KCND2: variants seen among roughly 807,000 people sequenced by gnomAD.
KCND2 encodes A-type voltage-gated potassium channel KCND2.
Under a neutral mutation model 54.4 loss-of-function variants are expected in KCND2, and 16 were observed. The ratio of observed to expected loss-of-function variants is 0.29; its 90% confidence interval spans 0.20 to 0.45. The LOEUF (loss-of-function observed/expected upper bound fraction) is 0.45. Ranked by LOEUF, KCND2 falls within the 20% of genes least tolerant of loss-of-function variation. The pLI is 1.00. For missense variants in KCND2, 486 were observed against 824.2 expected (o/e 0.59, Z 5.02); for synonymous variants, 317 against 310.7 (o/e 1.02, Z -0.21).
intron 1 of KCND2, chr7:120,463,989 T>C (rs968046561): frequency 3.7e-5 from 34 of 912,262 alleles, no homozygotes; most frequent in South Asian, 5.0e-5. Flanking sequence ...ACTGGCTACA[T>C]TGGATAAATA....
At chr7:120,449,155 C>T (rs887763779) in intron 1 of KCND2, among the ~76,000 whole-genome samples, 1 of 152,046 alleles carries the variant, frequency 6.6e-6, no homozygotes, top group East Asian at 1.9e-4. Flanking sequence ...CAGTGAAACC[C>T]CATCTCTACT....
chr7:120,548,560 G>A (rs1045851244), intron 1 of KCND2, among the ~76,000 whole-genome samples: 5 of 152,102 alleles, frequency 3.3e-5, no homozygotes, highest in Non-Finnish European at 5.9e-5. Flanking sequence ...ATCAAACAAG[G>A]AAGGTCTTGC....
chr7:120,487,347 A>C, intron 1 of KCND2, among the ~76,000 whole-genome samples: 1 of 152,294 alleles, frequency 6.6e-6, no homozygotes, highest in Admixed American at 6.5e-5. Context: ...ACGAACAACA[A>C]TTTAAAAAAT....
In KCND2 at chr7:120,741,563, C is replaced by T; in HGVS notation, c.1308C>T (p.Ala436=). The T allele has an allele frequency of 6.2e-7, 1 of 1,613,172 alleles. No individual in the cohort carries two copies. The highest frequency in any genetic ancestry group is 8.5e-7 in the Non-Finnish European group (1 of 1,179,402). ...CTAGACTGGCCAGGATCCGGGCAGC[C>T]AAAAGCGGAAGCGCAAATGCTTACA... ...KKARLARIRA[A]KSGSANAYMQ... The change falls in exon 3 of 6, where the codon GCC becomes GCT. Residue 436 remains alanine, a synonymous_variant. Transcript: ENST00000331113.
chr7:120,512,627 G>A (rs1803135949), intron 1 of KCND2, among the ~76,000 whole-genome samples: 1 of 151,916 alleles, frequency 6.6e-6, no homozygotes, highest in Non-Finnish European at 1.5e-5. Flanking sequence ...GTTCATTTAG[G>A]TAATCCTTTC....
At chr7:120,323,520 T>C (rs1161985483) in intron 1 of KCND2, among the ~76,000 whole-genome samples, 2 of 148,660 alleles carry the variant, frequency 1.3e-5, no homozygotes, top group African/African-American at 4.9e-5. Flanking sequence ...CATTGTTCAA[T>C]TCCCACCTAT....
chr7:120,486,371 A>G (rs1802693306), intron 1 of KCND2, among the ~76,000 whole-genome samples: 1 of 152,146 alleles, frequency 6.6e-6, no homozygotes, highest in African/African-American at 2.4e-5. Context: ...AGAGGACGTA[A>G]GGTGATTCAT....
intron 1 of KCND2, among the ~76,000 whole-genome samples, chr7:120,374,051 C>T (rs941065585): frequency 1.3e-5 from 2 of 151,664 alleles, no homozygotes; most frequent in Non-Finnish European, 2.9e-5. Context: ...TTCATAATTA[C>T]CATATTTTTT....
At chr7:120,293,595 G>A (rs1385193947) in intron 1 of KCND2, among the ~76,000 whole-genome samples, 5 of 151,890 alleles carry the variant, frequency 3.3e-5, no homozygotes, top group East Asian at 1.9e-4. Flanking sequence ...GTTTCTTTTT[G>A]TTTGACCAGA....
intron 2 of KCND2, among the ~76,000 whole-genome samples, chr7:120,735,314 A>C (rs541534528): frequency 6.6e-6 from 1 of 152,054 alleles, no homozygotes; most frequent in South Asian, 2.1e-4. Flanking sequence ...CAAACATCAC[A>C]CTCATGACGC....
intron 1 of KCND2, among the ~76,000 whole-genome samples, chr7:120,593,420 A>G (rs1562882395): frequency 6.6e-6 from 1 of 152,188 alleles, no homozygotes; most frequent in Non-Finnish European, 1.5e-5. Flanking sequence ...GTCCCTGCAT[A>G]TATTGGAAAA....
At chr7:120,532,581 C>T (rs1321223360) in intron 1 of KCND2, among the ~76,000 whole-genome samples, 2 of 151,630 alleles carry the variant, frequency 1.3e-5, no homozygotes, top group Non-Finnish European at 2.9e-5. Flanking sequence ...AAATGCCAAA[C>T]TGAAATAAAA....
intron 1 of KCND2, among the ~76,000 whole-genome samples, chr7:120,667,176 A>G (rs749870526): frequency 2.6e-5 from 4 of 152,032 alleles, no homozygotes; most frequent in Non-Finnish European, 5.9e-5. Flanking sequence ...ACTATAGCAA[A>G]GGGTTTGATT....
intron 1 of KCND2, among the ~76,000 whole-genome samples, chr7:120,298,512 A>G (rs1799541771): frequency 6.6e-6 from 1 of 152,188 alleles, no homozygotes. Context: ...ATGATGGATG[A>G]TTGGAAGTGC....
rs923197780 is a variant in KCND2, at chr7:120,655,873, A to C, written c.1116-77030A>C. Among the ~76,000 whole-genome samples the C allele has an allele frequency of 7.1e-4, 108 of 152,204 alleles. 2 individuals carry two copies. Among genetic ancestry groups the C allele is most frequent in the African/African-American group, 2.4e-3 (101 of 41,562 alleles). ...ACACTATCATTTTCCTACAATAATA[A>C]TTGTGATTATGTACATCTATATTTC... On this transcript the variant is annotated intron_variant, in intron 1 of 5. Transcript: ENST00000331113.
rs142453437 is a variant in KCND2 at position 120,676,744 on chromosome 7, G to A, written c.1116-56159G>A. On this transcript the variant is annotated intron_variant, in intron 1 of 5. Coordinates refer to ENST00000331113, the MANE Select transcript of KCND2 (RefSeq NM_012281.3). ...TCTATTTGCCATGGTAACCAGGCTT[G>A]TTTTCTTACACCATTTCTTTCCCTT... Among the ~76,000 whole-genome samples the A allele has an allele frequency of 2.0e-3, 311 of 152,230 alleles. 2 individuals carry two copies. The highest frequency in any genetic ancestry group is 6.7e-3 in the African/African-American group (277 of 41,564).
intron 1 of KCND2, among the ~76,000 whole-genome samples, chr7:120,286,119 G>T (rs927557329): frequency 6.6e-6 from 1 of 151,746 alleles, no homozygotes; most frequent in Admixed American, 6.6e-5. Context: ...AATAAATTAA[G>T]AAATCACTTT....
At chr7:120,344,778 A>G (rs1213227904) in intron 1 of KCND2, among the ~76,000 whole-genome samples, 1 of 152,138 alleles carries the variant, frequency 6.6e-6, no homozygotes, top group African/African-American at 2.4e-5. Context: ...TTATTTTGCA[A>G]TTCTTTAATA....
At chr7:120,488,475 A>G (rs1488145191) in intron 1 of KCND2, among the ~76,000 whole-genome samples, 1 of 152,022 alleles carries the variant, frequency 6.6e-6, no homozygotes, top group Non-Finnish European at 1.5e-5. Context: ...TTTTTATTTA[A>G]TTTTTTTCTT....
Sources: allele counts gnomAD v4.1 joint callset (sites outside exome capture counted in the v4.1 genomes callset), GRCh38; gene constraint gnomAD v4.1.1; transcripts MANE v1.5; gene names NCBI Gene and HGNC (gene_info 2026-07-23, HGNC 2026-07-21).